SYNDIG1: variants seen among roughly 807,000 people sequenced by gnomAD.
SYNDIG1 encodes the protein synapse differentiation-inducing gene protein 1.
SYNDIG1 carries 9 observed loss-of-function variants against 19.4 expected under a neutral mutation model. That is an observed-to-expected ratio of 0.46 (90% CI 0.28 to 0.81). The LOEUF (loss-of-function observed/expected upper bound fraction) is 0.81. Ranked by LOEUF, SYNDIG1 falls within the 30% of genes least tolerant of loss-of-function variation. SYNDIG1 has a pLI of 0.12. For missense variants in SYNDIG1, 311 were observed against 343.3 expected (o/e 0.91, Z 0.74); for synonymous variants, 141 against 145.9 (o/e 0.97, Z 0.24).
intron 1 of SYNDIG1, among the ~76,000 whole-genome samples, chr20:24,502,750 G>C (rs1196358350): frequency 6.6e-6 from 1 of 152,150 alleles, no homozygotes; most frequent in Admixed American, 6.5e-5. Context: ...ATTGCCATTT[G>C]GCTTCTGGTT....
Position 24,527,519 on chromosome 20 carries a change from T to TTTCC in SYNDIG1, c.-78-15499_-78-15498insCCTT, listed in dbSNP as rs74354716. Among the ~76,000 whole-genome samples, 78 of 66,526 alleles carry TTTCC rather than the reference T, an allele frequency of 1.2e-3. 1 individual carries two copies. The highest frequency in any genetic ancestry group is 1.9e-3 in the East Asian group (4 of 2,120). The allele number at this position is 66,526 out of a possible 152,430, so 43.6% of individuals were successfully genotyped here. A position where few individuals can be genotyped will look rare whatever the true frequency, so the allele number is the denominator to read the frequency against. ...TTTTCTTCTCTTCTCTTTTCTTTTT[T>TTTCC]TTTCCTTTCTTTTCTTTTCTTTCCT... On this transcript the variant is annotated intron_variant, in intron 1 of 3. Transcript: ENST00000376862.
intron 3 of SYNDIG1, among the ~76,000 whole-genome samples, chr20:24,599,319 T>G (rs1473301710): frequency 6.6e-6 from 1 of 152,110 alleles, no homozygotes; most frequent in Non-Finnish European, 1.5e-5. Flanking sequence ...TGACTATTAT[T>G]AAAAAGACAA....
At chr20:24,623,274 G>C (rs972835443) in intron 3 of SYNDIG1, among the ~76,000 whole-genome samples, 1 of 151,988 alleles carries the variant, frequency 6.6e-6, no homozygotes, top group African/African-American at 2.4e-5. Flanking sequence ...AAAAAATACT[G>C]GCAAGTTAGA....
intron 1 of SYNDIG1, among the ~76,000 whole-genome samples, chr20:24,481,838 T>G (rs1019171502): frequency 6.6e-6 from 1 of 152,162 alleles, no homozygotes. Context: ...CATAAAAAGT[T>G]CTGAATGTAT....
intron 1 of SYNDIG1, among the ~76,000 whole-genome samples, chr20:24,541,966 G>A (rs529719846): frequency 3.9e-5 from 6 of 152,268 alleles, no homozygotes; most frequent in African/African-American, 1.4e-4. Context: ...CCAGGGAAAG[G>A]CTCTGAGCAG....
intron 1 of SYNDIG1, among the ~76,000 whole-genome samples, chr20:24,471,456 G>A (rs1235148361): frequency 6.6e-6 from 1 of 151,798 alleles, no homozygotes; most frequent in Non-Finnish European, 1.5e-5. Flanking sequence ...GAGGAAGCGC[G>A]ATCCCCTTAA....
chr20:24,485,740 A>G (rs1016083229), intron 1 of SYNDIG1, among the ~76,000 whole-genome samples: 3 of 152,214 alleles, frequency 2.0e-5, no homozygotes, highest in Non-Finnish European at 4.4e-5. Flanking sequence ...GAGCTAAACA[A>G]TGGAGTTTTC....
chr20:24,492,277 A>G (rs749531086), intron 1 of SYNDIG1, among the ~76,000 whole-genome samples: 2 of 152,216 alleles, frequency 1.3e-5, no homozygotes, highest in Non-Finnish European at 2.9e-5. Flanking sequence ...CAGTGAACAC[A>G]GAAAGCAGCC....
rs141482803 is a variant in SYNDIG1 at position 24,647,039 on chromosome 20, G to A, written c.619-18307G>A. 5.3e-5 allele frequency among the ~76,000 whole-genome samples: 8 copies of A among 152,270 alleles called. No individual in the cohort carries two copies. In the South Asian group the frequency reaches 8.3e-4, roughly 16 times the overall value. On this transcript the variant is annotated intron_variant, in intron 3 of 3. Coordinates refer to ENST00000376862, the MANE Select transcript of SYNDIG1 (RefSeq NM_024893.3). ...GCAACACAAAATGGGCTAAGACAGC[G>A]ACCCTCACGTAGTCTTTTGAATCTT...
At chr20:24,507,441 CT>C (rs955941292) in intron 1 of SYNDIG1, among the ~76,000 whole-genome samples, 2 of 152,230 alleles carry the variant, frequency 1.3e-5, no homozygotes, top group African/African-American at 4.8e-5. Flanking sequence ...AGAACCAGGG[CT>C]TTTCCGGAAG....
intron 1 of SYNDIG1, among the ~76,000 whole-genome samples, chr20:24,482,176 C>T (rs967980714): frequency 2.0e-5 from 3 of 152,104 alleles, no homozygotes; most frequent in Non-Finnish European, 2.9e-5. Context: ...AACATATGTG[C>T]ATTTTTACTT....
chr20:24,525,762 A>G (rs1450272032), intron 1 of SYNDIG1, among the ~76,000 whole-genome samples: 1 of 152,178 alleles, frequency 6.6e-6, no homozygotes, highest in African/African-American at 2.4e-5. Context: ...TATTATTCAA[A>G]TATTCTATGT....
At chr20:24,663,972 CATTT>C (rs929505230) in intron 3 of SYNDIG1, among the ~76,000 whole-genome samples, 3 of 152,150 alleles carry the variant, frequency 2.0e-5, no homozygotes, top group African/African-American at 7.2e-5. Context: ...TTCATTCATT[CATTT>C]ATTCATTCAT....
intron 2 of SYNDIG1, among the ~76,000 whole-genome samples, chr20:24,553,092 GCTGCATAAATGT>G (rs2057739078): frequency 6.6e-6 from 1 of 151,396 alleles, no homozygotes; most frequent in African/African-American, 2.4e-5. Context: ...GTGTTTTTTG[GCTGCATAAATGT>G]CTTCTTTTGA....
At chr20:24,632,835 A>G (rs1461421603) in intron 3 of SYNDIG1, among the ~76,000 whole-genome samples, 1 of 152,228 alleles carries the variant, frequency 6.6e-6, no homozygotes, top group African/African-American at 2.4e-5. Context: ...AGACACAGGG[A>G]TGACAAGCTG....
In SYNDIG1 at chr20:24,592,325, C is replaced by T. The variant is rs376173210; in HGVS notation, c.618+7332C>T. 5.3e-5 allele frequency among the ~76,000 whole-genome samples: 8 copies of T among 152,262 alleles called. No individual in the cohort carries two copies. In the East Asian group the frequency reaches 1.2e-3, roughly 22 times the overall value. On this transcript the variant is annotated intron_variant, in intron 3 of 3. Coordinates refer to ENST00000376862, the MANE Select transcript of SYNDIG1 (RefSeq NM_024893.3). ...GTTCCAGCAGGAATTAAGTGCTTCC[C>T]TTCTCAATCTTACTCTGGATATTAA...
chr20:24,621,051 G>A (rs6106915), intron 3 of SYNDIG1, among the ~76,000 whole-genome samples: 24,536 of 152,104 alleles, frequency 0.16, 2,246 homozygotes, highest in African/African-American at 0.24. Flanking sequence ...TCTTCAGTGG[G>A]CAAAGTAAAC....
chr20:24,494,026 C>T (rs561636876), intron 1 of SYNDIG1, among the ~76,000 whole-genome samples: 9 of 152,322 alleles, frequency 5.9e-5, no homozygotes, highest in African/African-American at 1.4e-4. Context: ...TCTGGCAGCT[C>T]GGCTGGTTGC....
chr20:24,642,735 C>T (rs139554097), intron 3 of SYNDIG1, among the ~76,000 whole-genome samples: 23 of 152,006 alleles, frequency 1.5e-4, no homozygotes, highest in East Asian at 1.4e-3. Flanking sequence ...ATTTTTGCAC[C>T]GCAAGATGCT....
Sources: allele counts gnomAD v4.1 joint callset (sites outside exome capture counted in the v4.1 genomes callset), GRCh38; gene constraint gnomAD v4.1.1; transcripts MANE v1.5; gene names NCBI Gene and HGNC (gene_info 2026-07-23, HGNC 2026-07-21).